Variants in IPO5 observed in about 807,000 individuals in gnomAD.
The protein encoded by IPO5 is importin 5, also known as importin-5.
Under a neutral mutation model 143.3 loss-of-function variants are expected in IPO5, and 18 were observed. The ratio of observed to expected loss-of-function variants is 0.13; its 90% CI spans 0.09 to 0.19. The LOEUF (loss-of-function observed/expected upper bound fraction) is 0.19, where lower values mean the gene tolerates loss of function less well. IPO5 is among the 10% of genes least tolerant of loss of function. The pLI is 1.00. For synonymous variants in IPO5, 477 were observed against 465.7 expected (o/e 1.02, Z -0.31); for missense variants, 1,013 against 1,336.9 (o/e 0.76, Z 3.78).
At chr13:98,005,325 G>A (rs1163657742) in intron 16 of IPO5, among the ~76,000 whole-genome samples, 1 of 151,156 alleles carries the variant, frequency 6.6e-6, no homozygotes, top group Admixed American at 6.6e-5. Context: ...TGCTTCCGGA[G>A]TAATGGGATT....
At chr13:97,984,357 G>A (rs966552470) in intron 5 of IPO5, among the ~76,000 whole-genome samples, 7 of 152,132 alleles carry the variant, frequency 4.6e-5, no homozygotes, top group Admixed American at 2.6e-4. Context: ...AAATTTTAAA[G>A]CCAAGAATAC....
intron 22 of IPO5, among the ~76,000 whole-genome samples, chr13:98,015,242 T>TTGTGTGTGTG (rs1179382229): frequency 0.053 from 7,850 of 147,726 alleles, 231 homozygotes; most frequent in African/African-American, 0.059. Context: ...TAGGAGCTGG[T>TTGTGTGTGTG]TGTGTGTGTG....
rs1888920769 is a variant in IPO5, at chr13:98,002,845, A to G, written c.1324-19A>G. The G allele has an allele frequency of 1.2e-6, 2 of 1,605,914 alleles. No individual in the cohort carries two copies. The highest frequency in any genetic ancestry group is 1.7e-6 in the Non-Finnish European group (2 of 1,176,236). ...GGTGGACATTTCAACATGTGTGCCC[A>G]TTTGGTTTCATTTCACAGGTGATTG... On this transcript the variant is annotated intron_variant, in intron 15 of 28. Transcript: ENST00000651721.
intron 6 of IPO5, among the ~76,000 whole-genome samples, chr13:97,987,510 A>G (rs956062400): frequency 2.0e-5 from 3 of 152,144 alleles, no homozygotes; most frequent in Non-Finnish European, 4.4e-5. Context: ...TCAATTCTTT[A>G]TATTTTAGAT....
intron 20 of IPO5, 100 bp downstream of exon 20, chr13:98,010,324 A>T (rs1308644849): frequency 1.9e-6 from 2 of 1,051,046 alleles, no homozygotes; most frequent in Non-Finnish European, 2.7e-6. Context: ...TTGGAGAGCC[A>T]GTAATATGTT....
In IPO5 at chr13:98,021,831, A is replaced by C. The variant is rs753069980; in HGVS notation, c.*9A>C. The C allele has an allele frequency of 3.8e-6, 6 of 1,583,278 alleles. No individual in the cohort carries two copies. The highest frequency in any genetic ancestry group is 2.2e-5 in the East Asian group (1 of 44,520). On this transcript the variant is annotated 3_prime_UTR_variant, in exon 29 of 29. Coordinates refer to ENST00000651721, the MANE Select transcript of IPO5 (RefSeq NM_002271.6). ...TCCTGAACTCTGCGTGAAGGGCCTT[A>C]ATGTCACCCACCAGAAAACTAACTC...
chr13:97,970,585 C>T (rs1594029747), intron 3 of IPO5, among the ~76,000 whole-genome samples: 1 of 152,110 alleles, frequency 6.6e-6, no homozygotes, highest in East Asian at 1.9e-4. Flanking sequence ...CGTGCCACTG[C>T]ACTCCAGCCT....
Position 97,982,483 on chromosome 13 carries a change from A to C in IPO5, c.91-20A>C. 1 of 1,219,000 alleles carries C rather than the reference A, an allele frequency of 8.2e-7. No individual in the cohort carries two copies. Among genetic ancestry groups the C allele is most frequent in the African/African-American group, 1.5e-5 (1 of 64,648 alleles). The allele number at this position is 1,219,000 out of a possible 1,614,324, so 75.5% of individuals were successfully genotyped here. A position where few individuals can be genotyped will look rare whatever the true frequency, so the allele number is the denominator to read the frequency against. On this transcript the variant is annotated intron_variant, in intron 4 of 28. Transcript: ENST00000651721. ...AGTTTCCTAACATTCTTTCCTAACC[A>C]TTTTTTTTTTTCCATGCAGGAAACC...
intron 21 of IPO5, 98 bp from the exon 22 acceptor site, chr13:98,013,940 TTAGA>T (rs1889912417): frequency 1.1e-6 from 1 of 922,278 alleles, no homozygotes; most frequent in Non-Finnish European, 1.6e-6. Flanking sequence ...CTTGGGTATC[TTAGA>T]TAAACAGAAG....
At chr13:97,987,996 C>A in intron 6 of IPO5, 1 of 305,636 alleles carries the variant, frequency 3.3e-6, no homozygotes, top group South Asian at 2.6e-5. Context: ...AAAGCATCAT[C>A]TTTAGGTTGA....
chr13:97,989,091 G>A lies in IPO5; in HGVS notation c.394G>A (p.Gly132Ser). The A allele has an allele frequency of 6.2e-7, 1 of 1,613,398 alleles. No homozygotes were observed. Reference sequence around the variant, plus strand: ...GGATGGCAATAACCAGTGGCCCGAAGGTTTGAAGTTCCTTTTTGATTCAGT... The same window carrying A: ...GGATGGCAATAACCAGTGGCCCGAAAGTTTGAAGTTCCTTTTTGATTCAGT... ...DEDGNNQWPE[G>S]LKFLFDSVSS... The change falls in exon 7 of 29, where the codon GGT (glycine) becomes AGT (serine). Residue 132 changes from glycine to serine, a missense_variant. Coordinates refer to ENST00000651721, the MANE Select transcript of IPO5 (RefSeq NM_002271.6).
At chr13:97,979,940 C>T (rs1378967283) in intron 4 of IPO5, 1 of 456,704 alleles carries the variant, frequency 2.2e-6, no homozygotes, top group East Asian at 6.9e-5. Flanking sequence ...TTTCCTCATA[C>T]AAGGTAGGCT....
rs1048909983 is a variant in IPO5 at position 98,022,682 on chromosome 13, A to G, written c.*860A>G. 18 of 152,312 alleles carry G rather than the reference A, an allele frequency of 1.2e-4. No homozygotes were observed. The highest frequency in any genetic ancestry group is 2.1e-4 in the Non-Finnish European group (14 of 68,030). The allele number at this position is 152,312 out of a possible 1,614,324, so 9.4% of individuals were successfully genotyped here. On this transcript the variant is annotated 3_prime_UTR_variant, in exon 29 of 29. Transcript: ENST00000651721. ...CACTTTAAGCTAAGTTATGATACCT[A>G]TTCCATTCACAATTGGTGTTCTTTT...
In IPO5 at chr13:97,990,449, C is replaced by A; in HGVS notation, c.581C>A (p.Ala194Asp). Reference sequence around the variant, plus strand: ...TGATTTTAGATCAGGACGTTATCTGCTAGAGCTACAGCTGCATTTATACTT... The same window carrying A: ...TGATTTTAGATCAGGACGTTATCTGATAGAGCTACAGCTGCATTTATACTT... ...QEHPSIRTLS[A>D]RATAAFILAN... The change falls in exon 9 of 29, where the codon GCT becomes GAT. Residue 194 changes from alanine to aspartate, a missense_variant. By Grantham distance (126) the Ala-to-Asp change is moderately radical. Around this residue, in one of 2 missense-constraint regions of IPO5, gnomAD observed 328 missense variants for 342.0 expected, o/e 0.96. Coordinates refer to ENST00000651721, the MANE Select transcript of IPO5 (RefSeq NM_002271.6). 6.2e-7 allele frequency: 1 copy of A among 1,600,238 alleles called. No homozygotes were observed. The highest frequency in any genetic ancestry group is 8.5e-7 in the Non-Finnish European group (1 of 1,175,662).
At chr13:98,001,073 C>A (rs1888729297) in intron 13 of IPO5, among the ~76,000 whole-genome samples, 1 of 152,124 alleles carries the variant, frequency 6.6e-6, no homozygotes, top group South Asian at 2.1e-4. Flanking sequence ...AGGATTTCGC[C>A]ATGTTGCCCA....
intron 6 of IPO5, chr13:97,987,250 C>T (rs752022467): frequency 6.6e-6 from 1 of 150,734 alleles, no homozygotes; most frequent in African/African-American, 2.4e-5. Context: ...GTGTAGCCAC[C>T]ACTTTTTTTT....
chr13:97,996,914 T>C (rs1236447585), intron 11 of IPO5, among the ~76,000 whole-genome samples: 1 of 152,166 alleles, frequency 6.6e-6, no homozygotes, highest in Non-Finnish European at 1.5e-5. Flanking sequence ...TTTTTAGTAC[T>C]ATTTGAAGAT....
At chr13:98,002,398 A>G in intron 13 of IPO5, 69 bp from the exon 14 acceptor site, 1 of 1,458,598 alleles carries the variant, frequency 6.9e-7, no homozygotes, top group South Asian at 1.2e-5. Flanking sequence ...ACTTTTATAC[A>G]TCTCCCTCTA....
At chr13:97,955,615 A>G (rs1205309634) in intron 2 of IPO5, among the ~76,000 whole-genome samples, 2 of 152,172 alleles carry the variant, frequency 1.3e-5, no homozygotes, top group African/African-American at 4.8e-5. Context: ...CCAGTGACAT[A>G]ACCGACTTGA....
Sources: allele counts gnomAD v4.1 joint callset (sites outside exome capture counted in the v4.1 genomes callset), GRCh38; gene constraint gnomAD v4.1.1; regional missense constraint gnomAD v4.1.1; transcripts MANE v1.5; gene names NCBI Gene and HGNC (gene_info 2026-07-23, HGNC 2026-07-21).